The following APC variants were observed in gnomAD, a reference collection of about 807,000 sequenced individuals.
APC encodes the protein APC regulator of Wnt signaling pathway, also known as adenomatous polyposis coli protein.
A neutral mutation model predicts 247.0 loss-of-function variants in APC; 72 were observed. That is an observed-to-expected ratio of 0.29 (90% CI 0.24 to 0.35). The LOEUF (loss-of-function observed/expected upper bound fraction) is 0.35. Among genes scored for constraint, APC ranks in the 10% least tolerant of loss-of-function variants. The probability of loss-of-function intolerance (pLI) is 1.00; values close to 1 mark genes in which losing one functional copy is unlikely to be tolerated. For missense variants in APC, 3,400 were observed against 3,360.7 expected (o/e 1.01, Z -0.29); for synonymous variants, 1,254 against 1,162.5 (o/e 1.08, Z -1.60).
In APC at chr5:112,838,748, C is replaced by A. The variant is rs1060503258; in HGVS notation, c.3154C>A (p.Pro1052Thr). 1.2e-6 allele frequency: 2 copies of A among 1,614,078 alleles called. No homozygotes were observed. Among genetic ancestry groups the A allele is most frequent in the Non-Finnish European group, 1.7e-6 (2 of 1,180,022 alleles). The change falls in exon 16 of 16, where the codon CCC becomes ACC. Residue 1052 changes from proline to threonine, a missense_variant. Around this residue, in one of 9 missense-constraint regions of APC, gnomAD observed 715 missense variants for 656.6 expected, o/e 1.09. Coordinates refer to ENST00000257430, the MANE Select transcript of APC (RefSeq NM_000038.6). ...SPSQNERWAR[P>T]KHIIEDEIKQ... ...TTCACAGAATGAAAGATGGGCAAGA[C>A]CCAAACACATAATAGAAGATGAAAT...
chr5:112,753,799 A>G (rs1230921333), intron 1 of APC, among the ~76,000 whole-genome samples: 1 of 152,164 alleles, frequency 6.6e-6, no homozygotes, highest in Non-Finnish European at 1.5e-5. Context: ...AATGGATTTC[A>G]TATTACAGAG....
chr5:112,717,212 C>T (rs1322053033), intron 1 of APC, among the ~76,000 whole-genome samples: 1 of 152,102 alleles, frequency 6.6e-6, no homozygotes, highest in Non-Finnish European at 1.5e-5. Flanking sequence ...GGGGTTTCAC[C>T]ATGTTTGCTA....
At chr5:112,720,509 C>T (rs1252244506) in intron 1 of APC, among the ~76,000 whole-genome samples, 1 of 152,208 alleles carries the variant, frequency 6.6e-6, no homozygotes, top group East Asian at 1.9e-4. Context: ...CCCTCCCGTC[C>T]TACCCATCTC....
intron 7 of APC, among the ~76,000 whole-genome samples, chr5:112,794,055 AAGGT>A (rs1029325493): frequency 5.2e-5 from 5 of 96,088 alleles, no homozygotes; most frequent in Admixed American, 5.0e-4. Context: ...AAAAAAAAAA[AAGGT>A]AGGATGATCT....
At chr5:112,766,213 C>A in intron 2 of APC, 113 bp from the exon 3 acceptor site, 1 of 735,082 alleles carries the variant, frequency 1.4e-6, no homozygotes, top group Non-Finnish European at 2.5e-6. Flanking sequence ...AAGGTGCGTG[C>A]TTTGAGAGTG....
upstream of APC, among the ~76,000 whole-genome samples, chr5:112,737,577 C>T (rs1289069516): frequency 6.6e-6 from 1 of 152,212 alleles, no homozygotes; most frequent in Non-Finnish European, 1.5e-5. Context: ...ATCCTTCTGC[C>T]CTGCGGACCT....
In APC at chr5:112,766,273, T is replaced by C. The variant is rs2304793; in HGVS notation, c.136-53T>C. ...TTAAATGTCAAGAAATACAGAATCA[T>C]GTCTTGAAGTTATTTAGAATTTCAT... On this transcript the variant is annotated intron_variant, in intron 2 of 15. Transcript: ENST00000257430. 47,801 of 1,289,398 alleles carry C rather than the reference T, an allele frequency of 0.037. 2,123 individuals carry two copies. The highest frequency in any genetic ancestry group is 0.19 in the African/African-American group (12,737 of 68,376). The allele number at this position is 1,289,398 out of a possible 1,614,324, so 79.9% of individuals were successfully genotyped here.
intron 1 of APC, among the ~76,000 whole-genome samples, chr5:112,714,794 G>A (rs1751063558): frequency 6.6e-6 from 1 of 151,952 alleles, no homozygotes; most frequent in Non-Finnish European, 1.5e-5. Flanking sequence ...CACTCTATGG[G>A]TATTATTTTT....
At chr5:112,784,793 T>C (rs1488289609) in intron 6 of APC, among the ~76,000 whole-genome samples, 1 of 152,174 alleles carries the variant, frequency 6.6e-6, no homozygotes, top group Non-Finnish European at 1.5e-5. Context: ...TGAAAGTTTT[T>C]AAACATAAGT....
intron 1 of APC, among the ~76,000 whole-genome samples, chr5:112,747,039 G>T (rs1339547877): frequency 6.6e-6 from 1 of 152,084 alleles, no homozygotes; most frequent in Non-Finnish European, 1.5e-5. Flanking sequence ...GGGTCACACT[G>T]CATTACCCAA....
chr5:112,768,723 G>A (rs868556035), intron 4 of APC, among the ~76,000 whole-genome samples: 9 of 151,526 alleles, frequency 5.9e-5, no homozygotes, highest in South Asian at 4.1e-4. Flanking sequence ...CTATGGTAGC[G>A]TAGAACACAG....
At position 112,844,471 on chromosome 5, in the gene APC, T is replaced by C. The variant is rs1766814467; in HGVS notation, c.*345T>C. The C allele has an allele frequency of 7.5e-6, 2 of 266,676 alleles. No homozygotes were observed. Among genetic ancestry groups the C allele is most frequent in the South Asian group, 1.3e-4 (1 of 7,934 alleles). The allele number at this position is 266,676 out of a possible 1,614,324, so 16.5% of individuals were successfully genotyped here. ...TAGAAAATATGATATATTGCTGTTA[T>C]CAATCATTTCTAGATTATAAACTGA... On this transcript the variant is annotated 3_prime_UTR_variant, in exon 16 of 16. Transcript: ENST00000257430.
chr5:112,741,882 C>T (rs1036469708), intron 1 of APC, among the ~76,000 whole-genome samples: 1 of 151,850 alleles, frequency 6.6e-6, no homozygotes, highest in Non-Finnish European at 1.5e-5. Flanking sequence ...AATATTTATT[C>T]TTTTGCACCT....
At chr5:112,735,881 T>G (rs1581055793), upstream of APC, among the ~76,000 whole-genome samples, 1 of 152,222 alleles carries the variant, frequency 6.6e-6, no homozygotes, top group Non-Finnish European at 1.5e-5. Context: ...CACTGATGAA[T>G]ATCTATGATA....
chr5:112,796,434 C>T (rs905975985), intron 7 of APC, among the ~76,000 whole-genome samples: 2 of 152,110 alleles, frequency 1.3e-5, no homozygotes, highest in Admixed American at 6.5e-5. Flanking sequence ...TTTAGTACAT[C>T]TGAATCTGAA....
chr5:112,785,327 G>C (rs1758816639), intron 6 of APC, among the ~76,000 whole-genome samples: 1 of 152,092 alleles, frequency 6.6e-6, no homozygotes, highest in Admixed American at 6.5e-5. Flanking sequence ...AGAGAATTTA[G>C]TAAGGTAACT....
chr5:112,721,230 A>G (rs1235858725), intron 1 of APC, among the ~76,000 whole-genome samples: 2 of 152,136 alleles, frequency 1.3e-5, no homozygotes, highest in East Asian at 3.9e-4. Flanking sequence ...CCTGGCCAAC[A>G]TAGTGAAACT....
upstream of APC, among the ~76,000 whole-genome samples, chr5:112,732,934 A>T (rs1047323311): frequency 6.6e-6 from 1 of 152,238 alleles, no homozygotes; most frequent in Non-Finnish European, 1.5e-5. Flanking sequence ...ATACATAATG[A>T]TCCTTATTAC....
At chr5:112,733,087 G>A (rs894150835), upstream of APC, among the ~76,000 whole-genome samples, 2 of 152,206 alleles carry the variant, frequency 1.3e-5, no homozygotes, top group Non-Finnish European at 1.5e-5. Context: ...ATCTCCATAT[G>A]CTGGAGCCTT....
Sources: allele counts gnomAD v4.1 joint callset (sites outside exome capture counted in the v4.1 genomes callset), GRCh38; gene constraint gnomAD v4.1.1; regional missense constraint gnomAD v4.1.1; transcripts MANE v1.5; gene names NCBI Gene and HGNC (gene_info 2026-07-23, HGNC 2026-07-21).